Variants in CDH11 observed in about 807,000 individuals in gnomAD.
The protein encoded by CDH11 is cadherin-11.
In CDH11, 11 loss-of-function variants were observed where a neutral mutation model predicts 67.8. The observed-to-expected ratio is 0.16, with a 90% CI of 0.10 to 0.27. The LOEUF (loss-of-function observed/expected upper bound fraction) is 0.27, where lower values mean the gene tolerates loss of function less well. Ranked by LOEUF, CDH11 falls within the 10% of genes least tolerant of loss-of-function variation. The pLI, the probability that CDH11 is intolerant of heterozygous loss-of-function variation, is 1.00. For missense variants in CDH11, 847 were observed against 1,031.2 expected, an observed-to-expected ratio of 0.82 and a Z score of 2.45; for synonymous variants, 419 against 400.0, an observed-to-expected ratio of 1.05 and a Z score of -0.57.
At chr16:65,002,463 T>G (rs1471413059) in intron 3 of CDH11, among the ~76,000 whole-genome samples, 1 of 152,212 alleles carries the variant, frequency 6.6e-6, no homozygotes, top group Admixed American at 6.5e-5. Flanking sequence ...CTTTTTCCTC[T>G]CTGGCACACA....
intron 4 of CDH11, among the ~76,000 whole-genome samples, chr16:64,996,842 C>A (rs2072780092): frequency 6.6e-6 from 1 of 151,954 alleles, no homozygotes; most frequent in Non-Finnish European, 1.5e-5. Context: ...ATAAATGAAC[C>A]CAATGTTTAC....
chr16:64,992,609 T>C (rs1207085328), intron 5 of CDH11, among the ~76,000 whole-genome samples: 1 of 152,258 alleles, frequency 6.6e-6, no homozygotes, highest in Non-Finnish European at 1.5e-5. Context: ...ATGTGAGGAA[T>C]ATAGAGAGCA....
chr16:65,120,696 T>C (rs2075311234), intron 1 of CDH11, among the ~76,000 whole-genome samples: 1 of 152,192 alleles, frequency 6.6e-6, no homozygotes, highest in South Asian at 2.1e-4. Context: ...ATGAAATTCC[T>C]ACTGCATTAT....
intron 1 of CDH11, among the ~76,000 whole-genome samples, chr16:65,062,610 T>G (rs1383870137): frequency 6.6e-6 from 1 of 152,150 alleles, no homozygotes; most frequent in Admixed American, 6.6e-5. Context: ...AAGAAAAAAA[T>G]GCCATTTTGT....
chr16:64,973,087 G>A, intron 8 of CDH11, 47 bp from the exon 9 acceptor site: 1 of 1,569,080 alleles, frequency 6.4e-7, no homozygotes, highest in Middle Eastern at 1.7e-4. Flanking sequence ...ATTCAGAGCA[G>A]CTTAATATTT....
chr16:65,051,238 A>G (rs986038892), intron 2 of CDH11, among the ~76,000 whole-genome samples: 25 of 152,304 alleles, frequency 1.6e-4, no homozygotes, highest in African/African-American at 5.8e-4. Context: ...GGGACTCCTC[A>G]CGTTGAAATG....
At chr16:64,999,830 T>C (rs1448960209) in intron 3 of CDH11, among the ~76,000 whole-genome samples, 2 of 152,190 alleles carry the variant, frequency 1.3e-5, no homozygotes, top group Non-Finnish European at 2.9e-5. Flanking sequence ...CCACCATGCC[T>C]GGCCAATGTT....
chr16:64,972,182 GT>G, intron 9 of CDH11, 118 bp from the exon 10 acceptor site: 1 of 826,730 alleles, frequency 1.2e-6, no homozygotes, highest in Non-Finnish European at 1.9e-6. Flanking sequence ...AGGGAAAGAT[GT>G]TCTTGTCACA....
intron 1 of CDH11, 112 bp from the exon 2 acceptor site, chr16:65,054,040 C>T (rs918808433): frequency 2.7e-6 from 1 of 377,120 alleles, no homozygotes; most frequent in African/African-American, 2.1e-5. Context: ...AGATGACAAT[C>T]CAGGTGTGCA....
At chr16:65,076,739 T>G (rs943655619) in intron 1 of CDH11, among the ~76,000 whole-genome samples, 46 of 148,254 alleles carry the variant, frequency 3.1e-4, no homozygotes, top group African/African-American at 1.1e-3. Flanking sequence ...CCATATGTTC[T>G]CATTGTTAAA....
intron 1 of CDH11, among the ~76,000 whole-genome samples, chr16:65,082,302 A>G (rs2074624024): frequency 6.6e-6 from 1 of 152,180 alleles, no homozygotes. Context: ...AAAGGCTGGG[A>G]TCCAGGAAAC....
intron 3 of CDH11, among the ~76,000 whole-genome samples, chr16:65,001,253 A>G (rs534890302): frequency 6.6e-6 from 1 of 152,364 alleles, no homozygotes; most frequent in East Asian, 1.9e-4. Flanking sequence ...GTTATTCATA[A>G]CAATGTGTTG....
At chr16:65,015,620 G>T (rs1412778730) in intron 2 of CDH11, among the ~76,000 whole-genome samples, 5 of 152,078 alleles carry the variant, frequency 3.3e-5, no homozygotes, top group Admixed American at 6.6e-5. Context: ...ACCAGTCCAG[G>T]TTCTATAAGG....
chr16:64,944,018 C>G lies in CDH11; in HGVS notation c.*3585G>C, dbSNP rs906094217. On this transcript the variant is annotated 3_prime_UTR_variant, in exon 13 of 13. Transcript: ENST00000268603. ...ACGTGTTTTTTTTTGTATCAGGAACCGAAAGATGGCCAGTGTGGCTGGAGC... is the reference window on the plus strand; with the variant it reads ...ACGTGTTTTTTTTTGTATCAGGAACGGAAAGATGGCCAGTGTGGCTGGAGC... 1 of 231,926 alleles carries G rather than the reference C, an allele frequency of 4.3e-6. No homozygotes were observed. The highest frequency in any genetic ancestry group is 8.5e-6 in the Non-Finnish European group (1 of 117,394). The allele number at this position is 231,926 out of a possible 1,614,324, so 14.4% of individuals were successfully genotyped here.
intron 2 of CDH11, among the ~76,000 whole-genome samples, chr16:65,042,628 T>G (rs1246829491): frequency 1.3e-5 from 2 of 152,122 alleles, no homozygotes; most frequent in Admixed American, 1.3e-4. Context: ...AAACAGGACG[T>G]CAATAAATAG....
chr16:65,106,141 T>C (rs2075062404), intron 1 of CDH11, among the ~76,000 whole-genome samples: 1 of 152,134 alleles, frequency 6.6e-6, no homozygotes, highest in African/African-American at 2.4e-5. Context: ...GACCGAAACT[T>C]CTTCTTGGAC....
At chr16:64,997,677 A>C (rs1024663668) in intron 4 of CDH11, among the ~76,000 whole-genome samples, 8 of 152,174 alleles carry the variant, frequency 5.3e-5, no homozygotes, top group African/African-American at 1.4e-4. Context: ...TAAGTACTTG[A>C]CTTTTCCTGG....
At position 64,947,148 on chromosome 16, in the gene CDH11, T is replaced by C. The variant is rs922714947; in HGVS notation, c.*455A>G. On this transcript the variant is annotated 3_prime_UTR_variant, in exon 13 of 13. Coordinates refer to ENST00000268603, the MANE Select transcript of CDH11 (RefSeq NM_001797.4). ...ATGGGTTTAAGCTGGCTGAATATTA[T>C]ATATTTCAAGTTTAAAAATGCACTA... is the stretch of plus-strand genomic sequence containing the variant. 1 of 1,046,822 alleles carries C rather than the reference T, an allele frequency of 9.6e-7. No homozygotes were observed. The highest frequency in any genetic ancestry group is 1.2e-6 in the Non-Finnish European group (1 of 865,682). The allele number at this position is 1,046,822 out of a possible 1,614,324, so 64.8% of individuals were successfully genotyped here.
intron 3 of CDH11, among the ~76,000 whole-genome samples, chr16:65,001,812 C>A (rs35185): frequency 0.42 from 61,675 of 146,890 alleles, 13,923 homozygotes; most frequent in East Asian, 0.62. Flanking sequence ...AAAAAAAAAA[C>A]AAAAACCCAG....
Sources: allele counts gnomAD v4.1 joint callset (sites outside exome capture counted in the v4.1 genomes callset), GRCh38; gene constraint gnomAD v4.1.1; transcripts MANE v1.5; gene names NCBI Gene and HGNC (gene_info 2026-07-23, HGNC 2026-07-21).